Variants in PELP1 observed in about 807,000 individuals in gnomAD.
PELP1 encodes proline, glutamate and leucine rich protein 1.
Under a neutral mutation model 95.5 loss-of-function variants are expected in PELP1, and 32 were observed. The ratio of observed to expected loss-of-function variants is 0.34; its 90% CI spans 0.25 to 0.45. The LOEUF is 0.45. PELP1 is among the 20% of genes least tolerant of loss of function. The probability of loss-of-function intolerance (pLI) is 1.00; values close to 1 mark genes in which losing one functional copy is unlikely to be tolerated. For synonymous variants in PELP1, 668 were observed against 600.1 expected (o/e 1.11, Z -1.65); for missense variants, 1,358 against 1,444.8 (o/e 0.94, Z 0.97).
intron 12 of PELP1, 23 bp from the exon 13 acceptor site, chr17:4,674,692 T>A (rs370469109): frequency 6.3e-7 from 1 of 1,591,542 alleles, no homozygotes; most frequent in Non-Finnish European, 8.5e-7. Context: ...AAAACATAAA[T>A]CACATCCACA....
At position 4,672,988 on chromosome 17, in the gene PELP1, G is replaced by A. The variant is rs766876710; in HGVS notation, c.2003C>T (p.Pro668Leu). ...SPFRAPPFHP[P>L]GPMPSVGSMP... ...GGAGCCCACTGAGGGCATGGGGCCC[G>A]GAGGATGGAACGGTGGGGCCCTGAA... is the stretch of plus-strand genomic sequence containing the variant. The change falls in exon 16 of 17, where the codon CCG becomes CTG. Residue 668 changes from proline (P) to leucine (L), a missense_variant. Physicochemically the swap from Pro to Leu is moderately conservative, Grantham distance 98 (BLOSUM62 -3). This residue lies in a region of PELP1 where 340 missense variants were observed against 322.9 expected (regional missense o/e 1.05). Coordinates refer to ENST00000572293, the MANE Select transcript of PELP1 (RefSeq NM_014389.3). 42 of 1,569,742 alleles carry A rather than the reference G, an allele frequency of 2.7e-5. No homozygotes were observed. Among genetic ancestry groups the A allele is most frequent in the South Asian group, 2.3e-4 (19 of 83,666 alleles).
intron 5 of PELP1, among the ~76,000 whole-genome samples, chr17:4,682,159 C>CA (rs1260558128): frequency 6.6e-6 from 1 of 151,298 alleles, no homozygotes; most frequent in African/African-American, 2.4e-5. Context: ...GACCCTGTCT[C>CA]AAAAAAAAGA....
intron 5 of PELP1, among the ~76,000 whole-genome samples, chr17:4,679,947 G>A (rs537388689): frequency 1.3e-5 from 2 of 152,242 alleles, no homozygotes; most frequent in East Asian, 1.9e-4. Context: ...TGATCACAGC[G>A]CTCAGGCCGA....
rs1385496925 is a variant in PELP1, at chr17:4,678,080, G to A, written c.643-1268C>T. Among the ~76,000 whole-genome samples, 4 of 152,152 alleles carry A rather than the reference G, an allele frequency of 2.6e-5. No homozygotes were observed. In the East Asian group the frequency reaches 7.7e-4, roughly 29 times the overall value. ...AGTACAAAAATTAGCTGGGCACAGT[G>A]GTGGGCACCTGTAATCCCAGCTACT... is the stretch of plus-strand genomic sequence containing the variant. On this transcript the variant is annotated intron_variant, in intron 5 of 16. Transcript: ENST00000572293.
rs1258854664 is a variant in PELP1, at chr17:4,673,778, A to C, written c.1583-104T>G. 4 of 915,028 alleles carry C rather than the reference A, an allele frequency of 4.4e-6. No individual in the cohort carries two copies. The highest frequency in any genetic ancestry group is 7.3e-6 in the Non-Finnish European group (4 of 544,650). 56.7% of individuals were successfully genotyped at this position (915,028 alleles called of 1,614,324 possible). On this transcript the variant is annotated intron_variant, in intron 13 of 16. Coordinates refer to ENST00000572293, the MANE Select transcript of PELP1 (RefSeq NM_014389.3). The surrounding 1 kb of genome is among the most constrained non-coding windows in gnomAD (Gnocchi z 5.7). ...ATGGGCATCAACTCTGCCACTGCCT[A>C]TCTTGGCCAAGTCATTTAACTTCTC... is the stretch of plus-strand genomic sequence containing the variant.
At chr17:4,697,598 T>A (rs1913345484) in intron 1 of PELP1, among the ~76,000 whole-genome samples, 1 of 152,186 alleles carries the variant, frequency 6.6e-6, no homozygotes, top group African/African-American at 2.4e-5. Flanking sequence ...TAGGAAAGTA[T>A]AATTAACTGT....
chr17:4,693,860 A>G (rs1031764120), intron 1 of PELP1, among the ~76,000 whole-genome samples: 3 of 152,232 alleles, frequency 2.0e-5, no homozygotes, highest in Non-Finnish European at 4.4e-5. Flanking sequence ...GGAAAGGGAA[A>G]GCACAGATAA....
chr17:4,676,758 G>A lies in PELP1; in HGVS notation c.697C>T (p.Gln233Ter). The A allele has an allele frequency of 6.4e-7, 1 of 1,568,512 alleles. No individual in the cohort carries two copies. The highest frequency in any genetic ancestry group is 1.2e-5 in the South Asian group (1 of 85,124). ...TCTCCCTCCCTGCCCTTTACCTGTT[G>A]GAGCTGAGGGCTCAAGGCATCCACC... Reference protein sequence around the residue: ...SRVDALSPQLQQLACECYSRL... With the variant: ...SRVDALSPQL Residue 233 changes from glutamine to a stop codon, truncating the protein, a stop_gained, in exon 6 of 17, where the codon CAA becomes TAA. Transcript: ENST00000572293. LOFTEE classifies it high-confidence loss of function.
Position 4,672,246 on chromosome 17 carries a change from C to G in PELP1, c.2745G>C (p.Glu915Asp). ...EEEEDFEEEEEDEEEYFEEEE... is the reference protein window; with the variant it reads ...EEEEDFEEEEDDEEEYFEEEE... ...CCTCTTCAAAATATTCCTCTTCATCCTCTTCCTCTTCCTCAAAGTCTTCCT... is the reference window on the plus strand; with the variant it reads ...CCTCTTCAAAATATTCCTCTTCATCGTCTTCCTCTTCCTCAAAGTCTTCCT... Residue 915 changes from glutamate (E) to aspartate (D), a missense_variant, in exon 16 of 17, where the codon GAG becomes GAC. Glu to Asp is a conservative substitution (Grantham distance 45). Transcript: ENST00000572293. The G allele has an allele frequency of 6.4e-7, 1 of 1,551,922 alleles. No individual in the cohort carries two copies. Among genetic ancestry groups the G allele is most frequent in the African/African-American group, 1.4e-5 (1 of 73,076 alleles).
chr17:4,676,675 G>T, intron 6 of PELP1, 78 bp downstream of exon 6: 1 of 1,417,896 alleles, frequency 7.1e-7, no homozygotes, highest in Non-Finnish European at 9.7e-7. Flanking sequence ...AGGCAGGACA[G>T]AAAAGCTAGA....
chr17:4,685,567 A>G (rs1597452559), intron 3 of PELP1, among the ~76,000 whole-genome samples: 1 of 152,072 alleles, frequency 6.6e-6, no homozygotes, highest in Admixed American at 6.6e-5. Context: ...AGGTGGGAGG[A>G]CTGCTTGAGC....
chr17:4,685,827 T>A (rs1597452745), intron 3 of PELP1, among the ~76,000 whole-genome samples: 1 of 147,064 alleles, frequency 6.8e-6, no homozygotes, highest in Non-Finnish European at 1.5e-5. Context: ...CTGGGCTTGG[T>A]AGCTCACACC....
Position 4,673,427 on chromosome 17 carries a change from G to A in PELP1, c.1668C>T (p.Val556=). 4 of 1,594,156 alleles carry A rather than the reference G, an allele frequency of 2.5e-6. No individual in the cohort carries two copies. The highest frequency in any genetic ancestry group is 2.3e-5 in the East Asian group (1 of 43,862). ...GGACCTCACCCTGCTGTACACCCAT[G>A]ACCAGGGGGAGGACCAGGTCATGCA... The part of the protein sequence containing the change: ...RRLHDLVLPL[V]MGVQQGEVLG... Residue 556 remains valine (V), a synonymous_variant, in exon 15 of 17, where the codon GTC becomes GTT. Transcript: ENST00000572293. The surrounding 1 kb of genome is among the most constrained non-coding windows in gnomAD (Gnocchi z 5.7).
chr17:4,673,334 C>T lies in PELP1; in HGVS notation c.1761G>A (p.Leu587=), dbSNP rs1912315952. Residue 587 remains leucine (L), a synonymous_variant, in exon 15 of 17, where the codon CTG becomes CTA. Transcript: ENST00000572293. This position sits in a 1 kb window ranked among gnomAD's most constrained non-coding sequence, Gnocchi z 5.7. ...RELYCLLLAL[L]LAPSPRCPPP... ...GTGGGCAGCGAGGAGACGGGGCCAGCAGCAGCGCCAGCAGCAGGCAGTAGA... is the reference window on the plus strand; with the variant it reads ...GTGGGCAGCGAGGAGACGGGGCCAGTAGCAGCGCCAGCAGCAGGCAGTAGA... 1 of 1,591,604 alleles carries T rather than the reference C, an allele frequency of 6.3e-7. No homozygotes were observed. The highest frequency in any genetic ancestry group is 8.6e-7 in the Non-Finnish European group (1 of 1,169,322).
intron 1 of PELP1, 94 bp downstream of exon 1, chr17:4,703,769 C>T (rs1483944143): frequency 1.8e-6 from 2 of 1,088,294 alleles, no homozygotes; most frequent in African/African-American, 1.6e-5. Context: ...TTCCTTCAAC[C>T]TCCCTATCGC....
intron 3 of PELP1, among the ~76,000 whole-genome samples, chr17:4,690,565 T>C (rs1373049829): frequency 6.6e-6 from 1 of 151,942 alleles, no homozygotes; most frequent in Non-Finnish European, 1.5e-5. Flanking sequence ...CTACTAAAAA[T>C]ACAAAAATTA....
rs1912343171 is a variant in PELP1, at chr17:4,673,871, A to C, written c.1583-197T>G. ...GCCACTGACGGTATTTAATTGAGACAATGTAAGTAAAAAATTATAAATTTT... is the reference window on the plus strand; with the variant it reads ...GCCACTGACGGTATTTAATTGAGACCATGTAAGTAAAAAATTATAAATTTT... On this transcript the variant is annotated intron_variant, in intron 13 of 16. Transcript: ENST00000572293. This position sits in a 1 kb window ranked among gnomAD's most constrained non-coding sequence, Gnocchi z 5.7. 1.8e-6 allele frequency: 1 copy of C among 560,808 alleles called. No homozygotes were observed. The highest frequency in any genetic ancestry group is 2.6e-5 in the South Asian group (1 of 38,272). 34.7% of individuals were successfully genotyped at this position (560,808 alleles called of 1,614,324 possible).
Position 4,704,090 on chromosome 17 carries a change from C to T in PELP1, c.22G>A (p.Gly8Arg), listed in dbSNP as rs1456957150. 3.1e-6 allele frequency: 5 copies of T among 1,609,510 alleles called. No individual in the cohort carries two copies. The South Asian group carries it at 5.5e-5, about 18-fold the overall frequency. ...CCAGCCGCGGAGCCCGCAGAGGGCC[C>T]ACTCAGAACGGCTGCCGCCATCTTC... The part of the protein sequence containing the change: MAAAVLS[G>R]PSAGSAAGVP... Residue 8 changes from glycine (G) to arginine (R), a missense_variant, in exon 1 of 17, where the codon GGG (glycine) becomes AGG (arginine). This residue lies in a region of PELP1 where 169 missense variants were observed against 134.9 expected (regional missense o/e 1.25). Transcript: ENST00000572293.
intron 1 of PELP1, among the ~76,000 whole-genome samples, chr17:4,694,921 A>G (rs1314567998): frequency 6.6e-6 from 1 of 151,342 alleles, no homozygotes; most frequent in Non-Finnish European, 1.5e-5. Context: ...ACCCGGGAGA[A>G]TCGCTTGAAC....
Sources: gnomAD v4.1 joint callset for allele counts (sites outside exome capture counted in the v4.1 genomes callset) on GRCh38, gnomAD v4.1.1 for gene constraint, gnomAD v4.1.1 regional missense constraint, Gnocchi (gnomAD v3.1) non-coding constraint, MANE v1.5 for transcripts, NCBI Gene and HGNC (gene_info 2026-07-23, HGNC 2026-07-21) for gene names.